EPB41L4B: variants seen among roughly 807,000 people sequenced by gnomAD.
EPB41L4B encodes erythrocyte membrane protein band 4.1 like 4B.
In EPB41L4B, 30 loss-of-function variants were observed where a neutral mutation model predicts 112.5. That is an observed-to-expected ratio of 0.27 (90% CI 0.20 to 0.36). EPB41L4B has a LOEUF of 0.36. Ranked by LOEUF, EPB41L4B falls within the 10% of genes least tolerant of loss-of-function variation. The probability of loss-of-function intolerance (pLI) is 1.00; values close to 1 mark genes in which losing one functional copy is unlikely to be tolerated. For missense variants in EPB41L4B, 1,024 were observed against 1,133.3 expected, an observed-to-expected ratio of 0.90 and a Z score of 1.38; for synonymous variants, 408 against 439.7, an observed-to-expected ratio of 0.93 and a Z score of 0.90.
chr9:109,188,289 C>A (rs1365902916), intron 22 of EPB41L4B, among the ~76,000 whole-genome samples: 1 of 152,164 alleles, frequency 6.6e-6, no homozygotes, highest in Non-Finnish European at 1.5e-5. Context: ...GTGCAACTTT[C>A]TCCAGACACT....
At chr9:109,243,780 G>C (rs2052948183) in intron 14 of EPB41L4B, 98 bp from the exon 15 acceptor site, 2 of 1,213,108 alleles carry the variant, frequency 1.6e-6, no homozygotes, top group South Asian at 1.3e-5. Context: ...GAGGGGCTGG[G>C]GGACTAAGAA....
rs1837494087 is a variant in EPB41L4B at position 109,313,397 on chromosome 9, T to A, written c.306+6744A>T. Among the ~76,000 whole-genome samples, 4 of 152,158 alleles carry A rather than the reference T, an allele frequency of 2.6e-5. No homozygotes were observed. In the South Asian group the frequency reaches 8.3e-4, roughly 32 times the overall value. Reference sequence around the variant, plus strand: ...AGCTCTAGAGAGAGGCCACAGAGGCTGCAGAAGGAGTGAGATTAGAGGGAT... The same window carrying A: ...AGCTCTAGAGAGAGGCCACAGAGGCAGCAGAAGGAGTGAGATTAGAGGGAT... On this transcript the variant is annotated intron_variant, in intron 1 of 25. Transcript: ENST00000374566.
chr9:109,267,439 G>A (rs1406317661), intron 4 of EPB41L4B, 34 bp downstream of exon 4: 4 of 1,465,332 alleles, frequency 2.7e-6, no homozygotes, highest in Non-Finnish European at 3.8e-6. Context: ...GGCAAGCCCT[G>A]CTGGGCGGGA....
At chr9:109,207,333 G>C (rs1833019527) in intron 18 of EPB41L4B, among the ~76,000 whole-genome samples, 1 of 152,138 alleles carries the variant, frequency 6.6e-6, no homozygotes, top group African/African-American at 2.4e-5. Flanking sequence ...ACTTTAGGAG[G>C]CTGAGGCGCG....
At chr9:109,298,603 C>T (rs760111967) in intron 1 of EPB41L4B, among the ~76,000 whole-genome samples, 1 of 152,192 alleles carries the variant, frequency 6.6e-6, no homozygotes, top group Admixed American at 6.5e-5. Flanking sequence ...TGAGCCACGG[C>T]GCCTGGCCCA....
intron 1 of EPB41L4B, among the ~76,000 whole-genome samples, chr9:109,280,366 GT>G (rs1835988761): frequency 6.6e-6 from 1 of 152,178 alleles, no homozygotes; most frequent in Non-Finnish European, 1.5e-5. Flanking sequence ...CACAAAGTAG[GT>G]AACGAAGTCT....
chr9:109,189,452 G>A (rs536703880), intron 22 of EPB41L4B, among the ~76,000 whole-genome samples: 5 of 152,104 alleles, frequency 3.3e-5, no homozygotes, highest in Admixed American at 1.3e-4. Context: ...TGTTACAGGA[G>A]GTGTTAATGT....
At chr9:109,260,349 C>T (rs993053431) in intron 6 of EPB41L4B, among the ~76,000 whole-genome samples, 3 of 151,646 alleles carry the variant, frequency 2.0e-5, no homozygotes, top group African/African-American at 7.3e-5. Context: ...AGATTACAGG[C>T]ATGAGCCACC....
chr9:109,235,150 A>G (rs921710597), intron 15 of EPB41L4B, among the ~76,000 whole-genome samples: 3 of 152,196 alleles, frequency 2.0e-5, no homozygotes, highest in African/African-American at 7.2e-5. Flanking sequence ...CTGCCTGGAC[A>G]GTTATTTCCT....
chr9:109,286,591 G>C (rs921387408), intron 1 of EPB41L4B, among the ~76,000 whole-genome samples: 1 of 152,086 alleles, frequency 6.6e-6, no homozygotes, highest in African/African-American at 2.4e-5. Context: ...TCTCTGTGAC[G>C]AATTCATCCA....
chr9:109,254,675 T>C (rs1191500125), intron 11 of EPB41L4B, among the ~76,000 whole-genome samples: 1 of 152,202 alleles, frequency 6.6e-6, no homozygotes, highest in Non-Finnish European at 1.5e-5. Flanking sequence ...AGATTCTGAC[T>C]GCAAAGGTCT....
chr9:109,271,697 A>T (rs144480088), intron 2 of EPB41L4B, among the ~76,000 whole-genome samples: 109 of 152,302 alleles, frequency 7.2e-4, no homozygotes, highest in African/African-American at 2.6e-3. Context: ...AAATATAGCC[A>T]TGCCGCCTGT....
intron 5 of EPB41L4B, 23 bp downstream of exon 5, chr9:109,264,957 A>C (rs902281900): frequency 3.1e-6 from 5 of 1,592,492 alleles, no homozygotes; most frequent in Non-Finnish European, 4.3e-6. Context: ...CTGGGTTAAG[A>C]GTTAGAACAA....
At chr9:109,239,719 C>T (rs1419950947) in intron 15 of EPB41L4B, 1 of 663,764 alleles carries the variant, frequency 1.5e-6, no homozygotes, top group Non-Finnish European at 1.9e-6. Context: ...CAACTGAAAC[C>T]ACTCAAGTTA....
At chr9:109,223,209 G>T (rs1422769458) in intron 15 of EPB41L4B, among the ~76,000 whole-genome samples, 1 of 152,144 alleles carries the variant, frequency 6.6e-6, no homozygotes, top group Admixed American at 6.5e-5. Context: ...GGAGGCCAAG[G>T]CAGGAGGATT....
chr9:109,305,237 T>A (rs1240097457), intron 1 of EPB41L4B, among the ~76,000 whole-genome samples: 1 of 151,422 alleles, frequency 6.6e-6, no homozygotes, highest in Non-Finnish European at 1.5e-5. Context: ...ATGGGGGGAA[T>A]GATGGGATAA....
intron 21 of EPB41L4B, 91 bp downstream of exon 21, chr9:109,194,129 T>G: frequency 2.1e-6 from 3 of 1,426,244 alleles, no homozygotes; most frequent in Non-Finnish European, 2.9e-6. Flanking sequence ...TTATGCAAAA[T>G]TTAAATACAT....
At chr9:109,248,628 A>C (rs1280490736) in intron 13 of EPB41L4B, among the ~76,000 whole-genome samples, 1 of 152,144 alleles carries the variant, frequency 6.6e-6, no homozygotes. Context: ...TGTTTGTTTT[A>C]AGAGATGAGA....
chr9:109,220,432 A>G lies in EPB41L4B; in HGVS notation c.1410-3287T>C, dbSNP rs963277013. ...AGAGTTTGTTTTGAGCGCTGTGTGG[A>G]GGAGACTGGTTGGGGAGAGACTCCA... On this transcript the variant is annotated intron_variant, in intron 15 of 25. Transcript: ENST00000374566. 1.4e-4 allele frequency among the ~76,000 whole-genome samples: 22 copies of G among 152,166 alleles called. 1 individual carries two copies. Among genetic ancestry groups the G allele is most frequent in the Non-Finnish European group, 4.4e-5 (3 of 68,024 alleles).
Sources: gnomAD v4.1 joint callset for allele counts (sites outside exome capture counted in the v4.1 genomes callset) on GRCh38, gnomAD v4.1.1 for gene constraint, MANE v1.5 for transcripts, NCBI Gene and HGNC (gene_info 2026-07-23, HGNC 2026-07-21) for gene names.